Variants in TMEM132B observed in about 807,000 individuals in gnomAD.
TMEM132B encodes the protein transmembrane protein 132B.
Under a neutral mutation model 90.8 loss-of-function variants are expected in TMEM132B, and 18 were observed. The ratio of observed to expected loss-of-function variants is 0.20; its 90% CI spans 0.14 to 0.29. The LOEUF (loss-of-function observed/expected upper bound fraction) is 0.29. TMEM132B is among the 10% of genes least tolerant of loss of function. The pLI is 1.00. For synonymous variants in TMEM132B, 504 were observed against 523.3 expected, an observed-to-expected ratio of 0.96 and a Z score of 0.50; for missense variants, 1,096 against 1,326.8, an observed-to-expected ratio of 0.83 and a Z score of 2.70.
At chr12:125,294,024 G>A (rs1373070599) in intron 1 of TMEM132B, among the ~76,000 whole-genome samples, 1 of 152,226 alleles carries the variant, frequency 6.6e-6, no homozygotes, top group South Asian at 2.1e-4. Flanking sequence ...CAGCCTTGCA[G>A]CCAGCAAGCC....
At chr12:125,567,607 T>C (rs1043253667) in intron 4 of TMEM132B, among the ~76,000 whole-genome samples, 1 of 152,188 alleles carries the variant, frequency 6.6e-6, no homozygotes, top group Non-Finnish European at 1.5e-5. Context: ...CATATTTAAA[T>C]AAAGTTATGA....
chr12:125,595,893 C>T (rs1192996113), intron 5 of TMEM132B, among the ~76,000 whole-genome samples: 2 of 149,134 alleles, frequency 1.3e-5, no homozygotes. Flanking sequence ...TCTCCCTACT[C>T]TTGGACTATC....
rs1431946461 is a variant in TMEM132B at position 125,246,763 on chromosome 12, C to A, written c.67+59897C>A. ...GGCACCTATCTTCTCACCCTTTGTT[C>A]CTGTGGACAGAAGTGATGGATTTTG... On this transcript the variant is annotated intron_variant, in intron 1 of 8. Coordinates refer to ENST00000682704, the MANE Select transcript of TMEM132B (RefSeq NM_001366854.1). This position sits in a 1 kb window ranked among gnomAD's most constrained non-coding sequence, Gnocchi z 4.2. Among the ~76,000 whole-genome samples the A allele has an allele frequency of 3.9e-5, 6 of 152,130 alleles. No individual in the cohort carries two copies. The South Asian group carries it at 1.2e-3, about 32-fold the overall frequency.
chr12:125,407,258 G>A lies in TMEM132B; in HGVS notation c.960-8273G>A, dbSNP rs1250771915. The stretch of plus-strand genomic sequence containing the variant: ...CCAAAGGCTTAAAAGTTAGTTCTCA[G>A]GAGGTGAAGGCAAAGGCCAGACCTC... On this transcript the variant is annotated intron_variant, in intron 2 of 8. Coordinates refer to ENST00000682704, the MANE Select transcript of TMEM132B (RefSeq NM_001366854.1). This position sits in a 1 kb window ranked among gnomAD's most constrained non-coding sequence, Gnocchi z 6.7. 1.3e-5 allele frequency among the ~76,000 whole-genome samples: 2 copies of A among 152,254 alleles called. No homozygotes were observed. Among genetic ancestry groups the A allele is most frequent in the Non-Finnish European group, 2.9e-5 (2 of 68,044 alleles).
At chr12:125,243,032 T>TGTATATATATATATATATATATAC (rs1874114525) in intron 1 of TMEM132B, among the ~76,000 whole-genome samples, 1 of 135,030 alleles carries the variant, frequency 7.4e-6, no homozygotes, top group African/African-American at 2.8e-5. Flanking sequence ...TATATATATA[T>TGTATATATATATATATATATATAC]ACACACACAC....
chr12:125,346,979 G>A (rs1201857364), intron 1 of TMEM132B, among the ~76,000 whole-genome samples: 1 of 152,192 alleles, frequency 6.6e-6, no homozygotes, highest in Non-Finnish European at 1.5e-5. Flanking sequence ...AGGTTTTTGG[G>A]CTGCTTCCAG....
At chr12:125,203,502 G>T (rs1873113264) in intron 1 of TMEM132B, among the ~76,000 whole-genome samples, 1 of 152,112 alleles carries the variant, frequency 6.6e-6, no homozygotes, top group South Asian at 2.1e-4. Flanking sequence ...TATGTTAATT[G>T]GTTACTTCTG....
intron 4 of TMEM132B, among the ~76,000 whole-genome samples, chr12:125,520,182 T>A (rs1432158546): frequency 6.6e-6 from 1 of 152,218 alleles, no homozygotes; most frequent in Non-Finnish European, 1.5e-5. Flanking sequence ...TGGGCTTGGT[T>A]GAAGTTACGT....
intron 2 of TMEM132B, among the ~76,000 whole-genome samples, chr12:125,366,742 T>C (rs1031963547): frequency 1.3e-5 from 2 of 152,228 alleles, no homozygotes; most frequent in South Asian, 2.1e-4. Flanking sequence ...CATTATTTAT[T>C]AAAATATTCA....
chr12:125,400,740 G>C (rs779008036), intron 2 of TMEM132B, among the ~76,000 whole-genome samples: 2 of 152,198 alleles, frequency 1.3e-5, no homozygotes, highest in Non-Finnish European at 2.9e-5. Context: ...TGGTGGGAGA[G>C]CCCCAATTAA....
chr12:125,378,479 C>T (rs1384122198), intron 2 of TMEM132B, among the ~76,000 whole-genome samples: 1 of 152,226 alleles, frequency 6.6e-6, no homozygotes, highest in Non-Finnish European at 1.5e-5. Context: ...ATCAAAGACT[C>T]AGGCTCTGCC....
At chr12:125,617,715 T>A (rs1447710006) in intron 5 of TMEM132B, among the ~76,000 whole-genome samples, 1 of 152,144 alleles carries the variant, frequency 6.6e-6, no homozygotes, top group African/African-American at 2.4e-5. Context: ...GGTGTTAGGC[T>A]CCACTACTTT....
At position 125,325,968 on chromosome 12, in the gene TMEM132B, C is replaced by CT. The variant is rs1292846344; in HGVS notation, c.68-23480dup. ...CGAGTTTCTTTGACTTCCTGGTTTG[C>CT]TTTTCATGGTGTTGACCCCACTCCA... On this transcript the variant is annotated intron_variant, in intron 1 of 8. Coordinates refer to ENST00000682704, the MANE Select transcript of TMEM132B (RefSeq NM_001366854.1). 8.3e-3 allele frequency among the ~76,000 whole-genome samples: 1,266 copies of CT among 152,266 alleles called. 10 individuals are homozygous for CT. Among genetic ancestry groups the CT allele is most frequent in the African/African-American group, 0.029 (1,185 of 41,550 alleles).
At chr12:125,477,795 G>A (rs1881927695) in intron 3 of TMEM132B, among the ~76,000 whole-genome samples, 1 of 152,152 alleles carries the variant, frequency 6.6e-6, no homozygotes, top group African/African-American at 2.4e-5. Flanking sequence ...CCTCAAGTGG[G>A]TCCCTGACCC....
At chr12:125,466,174 T>G (rs1191752539) in intron 3 of TMEM132B, among the ~76,000 whole-genome samples, 1 of 152,152 alleles carries the variant, frequency 6.6e-6, no homozygotes, top group African/African-American at 2.4e-5. Flanking sequence ...GATCATTAGA[T>G]TTTTAGCAGC....
intron 5 of TMEM132B, among the ~76,000 whole-genome samples, chr12:125,596,547 C>T (rs1011161724): frequency 1.3e-5 from 2 of 152,196 alleles, no homozygotes; most frequent in Non-Finnish European, 2.9e-5. Flanking sequence ...TTCTGTTCCT[C>T]CTTGCAATGT....
At chr12:125,386,127 A>G (rs774330134) in intron 2 of TMEM132B, among the ~76,000 whole-genome samples, 16 of 152,236 alleles carry the variant, frequency 1.1e-4, no homozygotes, top group Non-Finnish European at 1.8e-4. Flanking sequence ...AGCTGGGACT[A>G]CAGGTGCTCA....
At chr12:125,638,153 G>C (rs1452300657) in intron 5 of TMEM132B, among the ~76,000 whole-genome samples, 1 of 152,218 alleles carries the variant, frequency 6.6e-6, no homozygotes, top group Non-Finnish European at 1.5e-5. Context: ...CTCTGGCACA[G>C]AGAGACTGAG....
At chr12:125,599,156 G>T (rs1397524831) in intron 5 of TMEM132B, among the ~76,000 whole-genome samples, 2 of 152,114 alleles carry the variant, frequency 1.3e-5, no homozygotes, top group Non-Finnish European at 2.9e-5. Context: ...AGGGGTGTGG[G>T]TTTTTCCCAT....
Sources: gnomAD v4.1 joint callset for allele counts (sites outside exome capture counted in the v4.1 genomes callset) on GRCh38, gnomAD v4.1.1 for gene constraint, Gnocchi (gnomAD v3.1) non-coding constraint, MANE v1.5 for transcripts, NCBI Gene and HGNC (gene_info 2026-07-23, HGNC 2026-07-21) for gene names.